The following MYO3A variants were observed in gnomAD, a reference collection of about 807,000 sequenced individuals.
MYO3A encodes the protein myosin IIIA, also known as myosin-IIIa.
MYO3A carries 180 observed loss-of-function variants against 192.7 expected under a neutral mutation model. The ratio of observed to expected loss-of-function variants is 0.93; its 90% CI spans 0.83 to 1.06. The LOEUF (loss-of-function observed/expected upper bound fraction) is 1.06. Ranked by LOEUF, MYO3A falls within the 50% of genes least tolerant of loss-of-function variation. The pLI, the probability that MYO3A is intolerant of heterozygous loss-of-function variation, is 0.00. For missense variants in MYO3A, 1,896 were observed against 1,905.0 expected (o/e 1.00, Z 0.09); for synonymous variants, 628 against 645.3 (o/e 0.97, Z 0.41).
At chr10:26,149,103 C>T (rs1840638603) in intron 23 of MYO3A, among the ~76,000 whole-genome samples, 1 of 151,928 alleles carries the variant, frequency 6.6e-6, no homozygotes, top group South Asian at 2.1e-4. Context: ...AGTCTTTCAC[C>T]ACTGAGTATA....
rs762491686 is a variant in MYO3A at position 26,174,468 on chromosome 10, G to A, written c.4204G>A (p.Glu1402Lys). Reference sequence around the variant, plus strand: ...GTATTCCTATCCCACAAAACATGAGGAAATCAATAACATCAAGAAGAAGGA... The same window carrying A: ...GTATTCCTATCCCACAAAACATGAGAAAATCAATAACATCAAGAAGAAGGA... ...NLYSYPTKHE[E>K]INNIKKKDNK... The change falls in exon 30 of 35, where the codon GAA becomes AAA. Residue 1402 changes from glutamate to lysine, a missense_variant. Physicochemically the swap from Glu to Lys is moderately conservative, Grantham distance 56. Transcript: ENST00000642920. The A allele has an allele frequency of 1.2e-6, 2 of 1,614,090 alleles. No individual in the cohort carries two copies. Among genetic ancestry groups the A allele is most frequent in the South Asian group, 2.2e-5 (2 of 91,068 alleles).
chr10:26,179,266 T>G (rs992201982), intron 31 of MYO3A, among the ~76,000 whole-genome samples: 2 of 151,484 alleles, frequency 1.3e-5, no homozygotes, highest in Admixed American at 1.3e-4. Context: ...GCCCAGCTAA[T>G]TTTTGTATTT....
At chr10:26,139,103 AG>A (rs2131821192) in intron 20 of MYO3A, among the ~76,000 whole-genome samples, 1 of 152,362 alleles carries the variant, frequency 6.6e-6, no homozygotes, top group South Asian at 2.1e-4. Flanking sequence ...AATAGCTGAC[AG>A]GCATTAAGTA....
At chr10:25,984,560 C>G (rs1008208073) in intron 4 of MYO3A, among the ~76,000 whole-genome samples, 2 of 152,168 alleles carry the variant, frequency 1.3e-5, no homozygotes, top group Non-Finnish European at 2.9e-5. Flanking sequence ...CCAAGCCCCC[C>G]TCCCTTGTCT....
intron 10 of MYO3A, 49 bp from the exon 11 acceptor site, chr10:26,066,926 A>G (rs749934615): frequency 7.4e-6 from 10 of 1,352,580 alleles, no homozygotes; most frequent in Non-Finnish European, 2.1e-6. Flanking sequence ...ACTTTTTTCC[A>G]CTATGAGCAG....
At chr10:25,945,855 A>G (rs1474873911) in intron 2 of MYO3A, among the ~76,000 whole-genome samples, 1 of 152,014 alleles carries the variant, frequency 6.6e-6, no homozygotes, top group East Asian at 1.9e-4. Flanking sequence ...TTTAGTGTAT[A>G]TTTTGTAATG....
chr10:25,957,595 G>A (rs927230372), intron 4 of MYO3A, among the ~76,000 whole-genome samples: 1 of 152,090 alleles, frequency 6.6e-6, no homozygotes, highest in Non-Finnish European at 1.5e-5. Flanking sequence ...ATTCCTTTGG[G>A]TATATACCCA....
At chr10:25,966,895 A>G (rs1444016790) in intron 4 of MYO3A, among the ~76,000 whole-genome samples, 1 of 152,222 alleles carries the variant, frequency 6.6e-6, no homozygotes, top group Non-Finnish European at 1.5e-5. Context: ...TTTTAAAAAC[A>G]CAACACTTTT....
intron 31 of MYO3A, among the ~76,000 whole-genome samples, chr10:26,182,081 G>A (rs977290208): frequency 2.0e-5 from 3 of 152,142 alleles, no homozygotes; most frequent in African/African-American, 4.8e-5. Context: ...TCACATACGC[G>A]AGGTGGTTCA....
chr10:26,129,617 G>GT (rs1168643116), intron 20 of MYO3A, among the ~76,000 whole-genome samples: 1 of 152,072 alleles, frequency 6.6e-6, no homozygotes, highest in African/African-American at 2.4e-5. Flanking sequence ...ACTGCATTGC[G>GT]TTTCTTCCTT....
At chr10:26,056,914 C>T (rs919030978) in intron 10 of MYO3A, among the ~76,000 whole-genome samples, 8 of 151,490 alleles carry the variant, frequency 5.3e-5, no homozygotes, top group Non-Finnish European at 1.2e-4. Flanking sequence ...GTGTCATTGA[C>T]TGAGGTAGAG....
intron 2 of MYO3A, among the ~76,000 whole-genome samples, chr10:25,938,204 G>A (rs1836236748): frequency 6.6e-6 from 1 of 152,186 alleles, no homozygotes; most frequent in Non-Finnish European, 1.5e-5. Flanking sequence ...TGGTCCTGCT[G>A]ATATGTGACT....
intron 17 of MYO3A, among the ~76,000 whole-genome samples, chr10:26,108,107 G>A (rs534094622): frequency 8.5e-5 from 13 of 152,188 alleles, no homozygotes; most frequent in South Asian, 4.2e-4. Context: ...TAATAGGGAC[G>A]CCTAAGGCTT....
At chr10:26,151,466 A>T (rs1467724844) in intron 23 of MYO3A, among the ~76,000 whole-genome samples, 1 of 151,998 alleles carries the variant, frequency 6.6e-6, no homozygotes, top group African/African-American at 2.4e-5. Context: ...ACTTTGCCTA[A>T]TATTAATATA....
intron 4 of MYO3A, among the ~76,000 whole-genome samples, chr10:25,982,221 C>G (rs1839377296): frequency 1.3e-5 from 2 of 152,074 alleles, no homozygotes; most frequent in African/African-American, 2.4e-5. Context: ...CCGTCATGCC[C>G]CACAGCAGCC....
At chr10:25,993,024 C>A (rs139257224) in intron 4 of MYO3A, among the ~76,000 whole-genome samples, 1 of 152,024 alleles carries the variant, frequency 6.6e-6, no homozygotes, top group East Asian at 1.9e-4. Context: ...TGGCCTCATA[C>A]AATAAGTTAG....
chr10:26,010,383 CA>C (rs750220612), intron 6 of MYO3A, among the ~76,000 whole-genome samples: 2 of 148,888 alleles, frequency 1.3e-5, no homozygotes, highest in Non-Finnish European at 3.0e-5. Flanking sequence ...TTGTTATATG[CA>C]AAATGTCTGA....
chr10:26,129,739 C>G (rs1443181548), intron 20 of MYO3A, among the ~76,000 whole-genome samples: 2 of 152,178 alleles, frequency 1.3e-5, no homozygotes, highest in African/African-American at 4.8e-5. Flanking sequence ...CACTAGGCAT[C>G]TCCTTTAGAT....
At chr10:26,007,261 C>A (rs1841290270) in intron 6 of MYO3A, among the ~76,000 whole-genome samples, 1 of 150,650 alleles carries the variant, frequency 6.6e-6, no homozygotes, top group Admixed American at 6.6e-5. Context: ...TATGACAAAC[C>A]CACAGCCAAT....
Sources: allele counts gnomAD v4.1 joint callset (sites outside exome capture counted in the v4.1 genomes callset), GRCh38; gene constraint gnomAD v4.1.1; transcripts MANE v1.5; gene names NCBI Gene and HGNC (gene_info 2026-07-23, HGNC 2026-07-21).